TSPEAR: variants seen among roughly 807,000 people sequenced by gnomAD.
TSPEAR encodes thrombospondin-type laminin G domain and EAR repeat-containing protein.
TSPEAR carries 69 observed loss-of-function variants against 71.6 expected under a neutral mutation model. The ratio of observed to expected loss-of-function variants is 0.96; its 90% CI spans 0.79 to 1.18. The LOEUF is 1.18. Among genes scored for constraint, TSPEAR ranks in the 50% most tolerant of loss-of-function variants. The pLI, the probability that TSPEAR is intolerant of heterozygous loss-of-function variation, is 0.00. For synonymous variants in TSPEAR, 402 were observed against 387.2 expected (o/e 1.04, Z -0.45); for missense variants, 971 against 894.9 (o/e 1.09, Z -1.09).
chr21:44,692,245 C>A (rs1416941211), intron 1 of TSPEAR, among the ~76,000 whole-genome samples: 1 of 152,178 alleles, frequency 6.6e-6, no homozygotes, highest in East Asian at 1.9e-4. Context: ...CCACAGCTTG[C>A]ATTATACTTG....
intron 1 of TSPEAR, among the ~76,000 whole-genome samples, chr21:44,588,051 G>T (rs749647395): frequency 2.0e-5 from 3 of 152,208 alleles, no homozygotes; most frequent in African/African-American, 4.8e-5. Context: ...AAGAGCTTTT[G>T]CATGGCAAAA....
chr21:44,575,828 G>A (rs2146091208), intron 1 of TSPEAR, among the ~76,000 whole-genome samples: 1 of 152,336 alleles, frequency 6.6e-6, no homozygotes, highest in Admixed American at 6.5e-5. Context: ...TTGGGTCTCT[G>A]TCGCTTCGCT....
Position 44,651,329 on chromosome 21 carries a change from C to A in TSPEAR, c.82+60104G>T, listed in dbSNP as rs1555941367. On this transcript the variant is annotated intron_variant, in intron 1 of 11. Coordinates refer to ENST00000323084, the MANE Select transcript of TSPEAR (RefSeq NM_144991.3). ...CAAGACCACGCAGTGTGTAGAAACA[C>A]CAGGCTGTGAGACAGAGAAGTTGGA... 2.6e-5 allele frequency among the ~76,000 whole-genome samples: 4 copies of A among 152,150 alleles called. No individual in the cohort carries two copies. The South Asian group carries it at 6.2e-4, about 24-fold the overall frequency.
intron 11 of TSPEAR, among the ~76,000 whole-genome samples, chr21:44,501,849 A>G (rs1555911137): frequency 6.6e-6 from 1 of 152,238 alleles, no homozygotes; most frequent in African/African-American, 2.4e-5. Flanking sequence ...CCCAGCTGTC[A>G]GAAATGAGAG....
chr21:44,574,003 CCAGCTCCTG>C (rs2146085690), intron 1 of TSPEAR: 1 of 1,612,252 alleles, frequency 6.2e-7, no homozygotes, highest in Admixed American at 1.7e-5. Context: ...TCAGGCTGCA[CCAGCTCCTG>C]CACGCCCTCG....
chr21:44,501,361 C>T (rs587675945), intron 11 of TSPEAR, among the ~76,000 whole-genome samples: 5 of 151,472 alleles, frequency 3.3e-5, no homozygotes, highest in South Asian at 2.1e-4. Context: ...TTTGGGAGGC[C>T]GAGGCGGGCA....
chr21:44,600,827 G>GTGACCTGTGAGCCCAGCCCCTGCCGCCC lies in TSPEAR; in HGVS notation c.83-32823_83-32822insGGGCGGCAGGGGCTGGGCTCACAGGTCA, dbSNP rs2146147123. On this transcript the variant is annotated intron_variant, in intron 1 of 11. Coordinates refer to ENST00000323084, the MANE Select transcript of TSPEAR (RefSeq NM_144991.3). Reference sequence around the variant, plus strand: ...AGCTATGTGTCCAGCCCCTGCTGCCGAGTGACCTGTGAGCCCAGCCCCTGC... The same window carrying GTGACCTGTGAGCCCAGCCCCTGCCGCCC: ...AGCTATGTGTCCAGCCCCTGCTGCCGTGACCTGTGAGCCCAGCCCCTGCCGCCCAGTGACCTGTGAGCCCAGCCCCTGC... 1.3e-6 allele frequency: 2 copies of GTGACCTGTGAGCCCAGCCCCTGCCGCCC among 1,489,024 alleles called. 1 individual carries two copies. Among genetic ancestry groups the GTGACCTGTGAGCCCAGCCCCTGCCGCCC allele is most frequent in the African/African-American group, 3.8e-5 (2 of 53,234 alleles). 92.2% of individuals were successfully genotyped at this position (1,489,024 alleles called of 1,614,324 possible).
intron 4 of TSPEAR, 38 bp from the exon 5 acceptor site, chr21:44,529,992 C>G (rs1269591118): frequency 4.0e-6 from 6 of 1,518,968 alleles, no homozygotes; most frequent in Non-Finnish European, 5.3e-6. Context: ...GCCCGCGCTG[C>G]TGGGGAAGGA....
At chr21:44,585,726 TCTC>T (rs1407763034) in intron 1 of TSPEAR, among the ~76,000 whole-genome samples, 2 of 152,186 alleles carry the variant, frequency 1.3e-5, no homozygotes, top group African/African-American at 4.8e-5. Context: ...TTTCCTTTCT[TCTC>T]CTTCTCCTTT....
At chr21:44,517,680 C>CA in intron 9 of TSPEAR, 1 of 447,216 alleles carries the variant, frequency 2.2e-6, no homozygotes, top group Non-Finnish European at 4.7e-6. Flanking sequence ...AAGCCACTGA[C>CA]ATGTGGGAGC....
At chr21:44,602,325 C>T (rs1301662485) in intron 1 of TSPEAR, among the ~76,000 whole-genome samples, 3 of 152,196 alleles carry the variant, frequency 2.0e-5, no homozygotes, top group Admixed American at 6.5e-5. Context: ...CACGGATGTC[C>T]GAGGGGTAGG....
intron 1 of TSPEAR, among the ~76,000 whole-genome samples, chr21:44,619,841 T>A (rs1271874762): frequency 2.0e-5 from 3 of 152,148 alleles, no homozygotes; most frequent in African/African-American, 4.8e-5. Flanking sequence ...GAGGAGCAGA[T>A]GAGAGAATGA....
chr21:44,634,207 C>T (rs928894831), intron 1 of TSPEAR, among the ~76,000 whole-genome samples: 22 of 152,164 alleles, frequency 1.4e-4, no homozygotes, highest in African/African-American at 5.3e-4. Context: ...TATGATTGTG[C>T]CACTGCACTC....
intron 1 of TSPEAR, among the ~76,000 whole-genome samples, chr21:44,570,466 G>A (rs373906401): frequency 8.7e-4 from 132 of 152,220 alleles, no homozygotes; most frequent in African/African-American, 3.1e-3. Context: ...CTCTATCATC[G>A]GTGAGACATG....
Position 44,670,258 on chromosome 21 carries a change from G to A in TSPEAR, c.82+41175C>T, listed in dbSNP as rs193295302. On this transcript the variant is annotated intron_variant, in intron 1 of 11. Coordinates refer to ENST00000323084, the MANE Select transcript of TSPEAR (RefSeq NM_144991.3). ...GTAGTGGGTTCATGGTTCATAGGTG[G>A]GGGGGTTGTTATAATCATTAATAAT... 1.4e-3 allele frequency among the ~76,000 whole-genome samples: 219 copies of A among 152,224 alleles called. 2 individuals carry two copies. The highest frequency in any genetic ancestry group is 4.8e-3 in the African/African-American group (201 of 41,542).
chr21:44,627,317 C>G (rs1555934593), intron 1 of TSPEAR: 1 of 1,612,986 alleles, frequency 6.2e-7, no homozygotes, highest in East Asian at 2.2e-5. Context: ...GTCTGCACCC[C>G]AGTGAGCCGT....
At chr21:44,503,552 T>G (rs442121) in intron 11 of TSPEAR, among the ~76,000 whole-genome samples, 104,810 of 110,196 alleles carry the variant, frequency 0.95, 49,818 homozygotes, top group African/African-American at 0.98. Flanking sequence ...GAGCCCACAG[T>G]GGGGAAGCAA....
intron 1 of TSPEAR, chr21:44,702,181 C>T (rs1377438860): frequency 6.7e-7 from 1 of 1,500,714 alleles, no homozygotes; most frequent in African/African-American, 1.4e-5. Flanking sequence ...ACCATCCACC[C>T]CACAGAGCAA....
In TSPEAR at chr21:44,509,349, C is replaced by T. The variant is rs981884944; in HGVS notation, c.1604G>A (p.Gly535Glu). ...GAADWEVFQIGERIFLAVANS... is the reference protein window; with the variant it reads ...GAADWEVFQIEERIFLAVANS... ...TGCCACAGCGAGGAAGATCCTCTCC[C>T]CGATCTGGAAGACCTCCCAGTCTGC... is the stretch of plus-strand genomic sequence containing the variant. The change falls in exon 10 of 12, where the codon GGG becomes GAG. Residue 535 changes from glycine to glutamate, a missense_variant. Physicochemically the swap from Gly to Glu is moderately conservative, Grantham distance 98. Coordinates refer to ENST00000323084, the MANE Select transcript of TSPEAR (RefSeq NM_144991.3). The T allele has an allele frequency of 1.9e-6, 3 of 1,613,792 alleles. No homozygotes were observed. The African/African-American group carries it at 4.0e-5, about 22-fold the overall frequency.
Sources: gnomAD v4.1 joint callset for allele counts (sites outside exome capture counted in the v4.1 genomes callset) on GRCh38, gnomAD v4.1.1 for gene constraint, MANE v1.5 for transcripts, NCBI Gene and HGNC (gene_info 2026-07-23, HGNC 2026-07-21) for gene names.